Variants in NRG3 observed in about 807,000 individuals in gnomAD.
NRG3 encodes the protein pro-neuregulin-3, membrane-bound isoform.
Under a neutral mutation model 66.9 loss-of-function variants are expected in NRG3, and 31 were observed. That is an observed-to-expected ratio of 0.46 (90% CI 0.35 to 0.63). The LOEUF (loss-of-function observed/expected upper bound fraction) is 0.63, where lower values mean the gene tolerates loss of function less well. Ranked by LOEUF, NRG3 falls within the 20% of genes least tolerant of loss-of-function variation. NRG3 has a pLI of 0.00. For synonymous variants in NRG3, 393 were observed against 359.4 expected, an observed-to-expected ratio of 1.09 and a Z score of -1.06; for missense variants, 910 against 878.9, an observed-to-expected ratio of 1.04 and a Z score of -0.45.
At chr10:82,458,962 T>A (rs1256745529) in intron 2 of NRG3, among the ~76,000 whole-genome samples, 3 of 152,180 alleles carry the variant, frequency 2.0e-5, no homozygotes, top group African/African-American at 7.2e-5. Context: ...ATCAGCCTCC[T>A]GCATTGAGTC....
chr10:82,042,229 A>T (rs991976778), intron 1 of NRG3, among the ~76,000 whole-genome samples: 1 of 152,038 alleles, frequency 6.6e-6, no homozygotes, highest in Non-Finnish European at 1.5e-5. Flanking sequence ...TTTATTGAAA[A>T]ATTTAAATTG....
At chr10:81,990,522 T>C (rs2060698485) in intron 1 of NRG3, among the ~76,000 whole-genome samples, 1 of 152,170 alleles carries the variant, frequency 6.6e-6, no homozygotes, top group Non-Finnish European at 1.5e-5. Flanking sequence ...TTTAATCTTA[T>C]TTTCACTGCT....
chr10:81,941,155 A>G (rs567018951), intron 1 of NRG3, among the ~76,000 whole-genome samples: 8 of 152,140 alleles, frequency 5.3e-5, no homozygotes, highest in Non-Finnish European at 1.0e-4. Flanking sequence ...TGCACAAGAG[A>G]CAATTCTATT....
chr10:82,387,664 T>C (rs2086094860), intron 2 of NRG3, among the ~76,000 whole-genome samples: 1 of 152,228 alleles, frequency 6.6e-6, no homozygotes, highest in Non-Finnish European at 1.5e-5. Flanking sequence ...ATTCTATACA[T>C]GCATCAGCAA....
At chr10:82,204,084 A>C (rs2133534566) in intron 1 of NRG3, among the ~76,000 whole-genome samples, 1 of 152,264 alleles carries the variant, frequency 6.6e-6, no homozygotes, top group African/African-American at 2.4e-5. Flanking sequence ...TGATTCATTA[A>C]AGTTGACTGT....
At chr10:82,798,656 A>G (rs2060901785) in intron 3 of NRG3, among the ~76,000 whole-genome samples, 1 of 152,236 alleles carries the variant, frequency 6.6e-6, no homozygotes, top group Non-Finnish European at 1.5e-5. Flanking sequence ...TACAGTTGCA[A>G]CTACAATCAC....
At chr10:82,663,970 A>T (rs1591074386) in intron 2 of NRG3, among the ~76,000 whole-genome samples, 1 of 152,332 alleles carries the variant, frequency 6.6e-6, no homozygotes, top group East Asian at 1.9e-4. Context: ...GGAAGCTTGG[A>T]TCAACGAACT....
At chr10:82,910,344 T>C (rs1434809703) in intron 4 of NRG3, among the ~76,000 whole-genome samples, 1 of 152,172 alleles carries the variant, frequency 6.6e-6, no homozygotes, top group African/African-American at 2.4e-5. Flanking sequence ...AGAAACTGAC[T>C]ACAGCTAATG....
intron 1 of NRG3, among the ~76,000 whole-genome samples, chr10:82,003,307 A>G (rs1295392454): frequency 6.6e-6 from 1 of 152,220 alleles, no homozygotes; most frequent in Non-Finnish European, 1.5e-5. Context: ...AACTGAATAT[A>G]TTTAATATGA....
chr10:81,993,949 T>TA (rs1474224494), intron 1 of NRG3, among the ~76,000 whole-genome samples: 1 of 152,228 alleles, frequency 6.6e-6, no homozygotes, highest in Admixed American at 6.6e-5. Flanking sequence ...GTGCTGTACT[T>TA]ACTTTCCAAA....
intron 1 of NRG3, among the ~76,000 whole-genome samples, chr10:82,300,028 G>A (rs1037964585): frequency 8.0e-5 from 12 of 150,814 alleles, no homozygotes; most frequent in Non-Finnish European, 8.9e-5. Flanking sequence ...ACGTGTACAC[G>A]CACACACACA....
At chr10:82,415,624 C>T (rs1376082770) in intron 2 of NRG3, among the ~76,000 whole-genome samples, 1 of 152,100 alleles carries the variant, frequency 6.6e-6, no homozygotes, top group African/African-American at 2.4e-5. Flanking sequence ...CCTTAATTAT[C>T]CAAGCACACT....
At chr10:82,211,052 A>G (rs2075370187) in intron 1 of NRG3, among the ~76,000 whole-genome samples, 1 of 152,192 alleles carries the variant, frequency 6.6e-6, no homozygotes, top group Non-Finnish European at 1.5e-5. Context: ...TAAATATGGA[A>G]CTTGATAAAT....
intron 2 of NRG3, among the ~76,000 whole-genome samples, chr10:82,655,389 A>AT (rs1205046651): frequency 6.6e-6 from 1 of 152,170 alleles, no homozygotes; most frequent in Admixed American, 6.5e-5. Flanking sequence ...AAACAATAGG[A>AT]TATTTTTAAG....
intron 2 of NRG3, among the ~76,000 whole-genome samples, chr10:82,446,109 G>A (rs1334724271): frequency 6.6e-6 from 1 of 152,104 alleles, no homozygotes; most frequent in Non-Finnish European, 1.5e-5. Flanking sequence ...CCAGCTTAAT[G>A]TCAGAATATC....
At chr10:82,598,092 A>G (rs1330818213) in intron 2 of NRG3, among the ~76,000 whole-genome samples, 5 of 152,162 alleles carry the variant, frequency 3.3e-5, no homozygotes, top group Non-Finnish European at 5.9e-5. Context: ...TGTGATTAGA[A>G]ATTATTTAAA....
chr10:82,642,206 T>G (rs1444426716), intron 2 of NRG3, among the ~76,000 whole-genome samples: 1 of 152,144 alleles, frequency 6.6e-6, no homozygotes, highest in Non-Finnish European at 1.5e-5. Context: ...CATGGTATTC[T>G]ATTATATACA....
intron 2 of NRG3, among the ~76,000 whole-genome samples, chr10:82,435,997 G>C (rs1254244737): frequency 6.6e-6 from 1 of 152,062 alleles, no homozygotes; most frequent in African/African-American, 2.4e-5. Context: ...GTGGCACTGA[G>C]AAGAATATAT....
intron 2 of NRG3, among the ~76,000 whole-genome samples, chr10:82,665,348 C>A (rs567108521): frequency 1.3e-5 from 2 of 152,306 alleles, no homozygotes; most frequent in East Asian, 3.9e-4. Flanking sequence ...TTATCATCAA[C>A]AATTTTTTGT....
Sources: gnomAD v4.1 joint callset for allele counts (sites outside exome capture counted in the v4.1 genomes callset) on GRCh38, gnomAD v4.1.1 for gene constraint, MANE v1.5 for transcripts, NCBI Gene and HGNC (gene_info 2026-07-23, HGNC 2026-07-21) for gene names.